The following CDKAL1 variants were observed in gnomAD, a reference collection of about 807,000 sequenced individuals.
CDKAL1 encodes the protein CDKAL1 threonylcarbamoyladenosine tRNA methylthiotransferase, also known as threonylcarbamoyladenosine tRNA methylthiotransferase.
A neutral mutation model predicts 68.2 loss-of-function variants in CDKAL1; 32 were observed. The observed-to-expected ratio is 0.47, with a 90% confidence interval of 0.35 to 0.63. The LOEUF (loss-of-function observed/expected upper bound fraction) is 0.63. Ranked by LOEUF, CDKAL1 falls within the 30% of genes least tolerant of loss-of-function variation. The pLI, the probability that CDKAL1 is intolerant of heterozygous loss-of-function variation, is 0.00. For synonymous variants in CDKAL1, 234 were observed against 244.3 expected, an observed-to-expected ratio of 0.96 and a Z score of 0.39; for missense variants, 606 against 696.7, an observed-to-expected ratio of 0.87 and a Z score of 1.47.
chr6:20,873,285 C>T (rs1760320127), intron 9 of CDKAL1, among the ~76,000 whole-genome samples: 1 of 152,048 alleles, frequency 6.6e-6, no homozygotes, highest in Non-Finnish European at 1.5e-5. Flanking sequence ...ACCTAGGAAG[C>T]TTATCAAAAA....
At chr6:21,073,640 A>G (rs192166450) in intron 12 of CDKAL1, among the ~76,000 whole-genome samples, 5 of 152,042 alleles carry the variant, frequency 3.3e-5, no homozygotes, top group Admixed American at 2.6e-4. Flanking sequence ...TGCCATATGT[A>G]TGTTTTCTTT....
intron 9 of CDKAL1, among the ~76,000 whole-genome samples, chr6:20,882,306 G>T (rs567002274): frequency 2.8e-4 from 43 of 152,186 alleles, no homozygotes; most frequent in African/African-American, 9.6e-4. Flanking sequence ...CTCCCTTTTA[G>T]CTCATACGCT....
At chr6:21,028,171 G>A (rs193250764) in intron 11 of CDKAL1, among the ~76,000 whole-genome samples, 1 of 152,256 alleles carries the variant, frequency 6.6e-6, no homozygotes, top group Admixed American at 6.5e-5. Context: ...CTGGAATGTT[G>A]AAAGAAATTC....
At chr6:20,557,811 C>T (rs1002792003) in intron 4 of CDKAL1, among the ~76,000 whole-genome samples, 4 of 152,052 alleles carry the variant, frequency 2.6e-5, no homozygotes, top group Non-Finnish European at 5.9e-5. Context: ...CCTGTAATTC[C>T]AGCTACTCAG....
At chr6:20,677,650 A>G (rs1770179767) in intron 5 of CDKAL1, among the ~76,000 whole-genome samples, 1 of 152,172 alleles carries the variant, frequency 6.6e-6, no homozygotes. Context: ...TCCTGACCTC[A>G]GGTGATCTGC....
At chr6:21,096,861 C>CT (rs1199898565) in intron 12 of CDKAL1, among the ~76,000 whole-genome samples, 4 of 152,156 alleles carry the variant, frequency 2.6e-5, no homozygotes, top group Non-Finnish European at 5.9e-5. Context: ...ATGGGACAGA[C>CT]TTTGAGAGTT....
Position 20,536,402 on chromosome 6 carries a change from C to T in CDKAL1, c.-6+1008C>T, listed in dbSNP as rs552647986. Among the ~76,000 whole-genome samples the T allele has an allele frequency of 5.9e-5, 9 of 151,882 alleles. No individual in the cohort carries two copies. In the South Asian group the frequency reaches 1.0e-3, roughly 18 times the overall value. On this transcript the variant is annotated intron_variant, in intron 2 of 15. Transcript: ENST00000274695. ...TAAATTTAGGTCTATGATCCATTTTCGGTTAATTTTTGTATATGATGTGAA... is the reference window on the plus strand; with the variant it reads ...TAAATTTAGGTCTATGATCCATTTTTGGTTAATTTTTGTATATGATGTGAA...
chr6:20,551,842 C>T (rs550396840), intron 4 of CDKAL1, among the ~76,000 whole-genome samples: 1 of 151,870 alleles, frequency 6.6e-6, no homozygotes, highest in South Asian at 2.1e-4. Context: ...CTTGCCTTAC[C>T]ATATTCTGAT....
chr6:21,004,228 A>C (rs1056129963), intron 11 of CDKAL1, among the ~76,000 whole-genome samples: 2 of 152,178 alleles, frequency 1.3e-5, no homozygotes, highest in Admixed American at 1.3e-4. Context: ...AAATCTTTTT[A>C]ATTAATTTTC....
intron 5 of CDKAL1, among the ~76,000 whole-genome samples, chr6:20,666,582 A>G (rs1026478381): frequency 6.6e-6 from 1 of 152,044 alleles, no homozygotes; most frequent in African/African-American, 2.4e-5. Context: ...CTTTATGGGC[A>G]CATATTAATA....
intron 5 of CDKAL1, among the ~76,000 whole-genome samples, chr6:20,695,824 T>G (rs1771082456): frequency 6.6e-6 from 1 of 152,194 alleles, no homozygotes; most frequent in African/African-American, 2.4e-5. Flanking sequence ...AGCGTATAGT[T>G]CAGTGTCAAT....
intron 9 of CDKAL1, among the ~76,000 whole-genome samples, chr6:20,851,840 G>A (rs571526600): frequency 2.3e-4 from 35 of 151,718 alleles, no homozygotes; most frequent in African/African-American, 7.5e-4. Flanking sequence ...AACAATATGA[G>A]CAATATTTGA....
chr6:20,775,094 A>G (rs1005834390), intron 7 of CDKAL1, among the ~76,000 whole-genome samples: 1 of 152,204 alleles, frequency 6.6e-6, no homozygotes, highest in Non-Finnish European at 1.5e-5. Flanking sequence ...CTCATTCTAC[A>G]TATATGCCAG....
intron 15 of CDKAL1, among the ~76,000 whole-genome samples, chr6:21,223,291 A>G (rs1779603742): frequency 6.6e-6 from 1 of 152,198 alleles, no homozygotes; most frequent in South Asian, 2.1e-4. Context: ...CAGGCCACTC[A>G]TCTGCTTCAC....
chr6:20,920,862 G>A (rs114952415), intron 9 of CDKAL1, among the ~76,000 whole-genome samples: 1,610 of 152,180 alleles, frequency 0.011, 28 homozygotes, highest in African/African-American at 0.036. Flanking sequence ...CAGTCATTTT[G>A]GAATATGGCA....
intron 4 of CDKAL1, among the ~76,000 whole-genome samples, chr6:20,638,725 C>T (rs1768021198): frequency 6.6e-6 from 1 of 151,776 alleles, no homozygotes; most frequent in Admixed American, 6.6e-5. Flanking sequence ...GATTCTCCTC[C>T]CAAGTATCTG....
intron 8 of CDKAL1, among the ~76,000 whole-genome samples, chr6:20,805,398 G>A (rs1776531050): frequency 2.0e-5 from 3 of 152,184 alleles, no homozygotes; most frequent in Non-Finnish European, 2.9e-5. Context: ...TAACTCCACA[G>A]TGTTTTCAGT....
At chr6:20,607,371 A>G (rs1581808082) in intron 4 of CDKAL1, among the ~76,000 whole-genome samples, 2 of 152,364 alleles carry the variant, frequency 1.3e-5, no homozygotes, top group East Asian at 1.9e-4. Context: ...TTAATTACAC[A>G]TTCTTTTAAA....
At chr6:20,918,609 G>A (rs559175744) in intron 9 of CDKAL1, among the ~76,000 whole-genome samples, 2 of 152,282 alleles carry the variant, frequency 1.3e-5, no homozygotes, top group South Asian at 4.2e-4. Context: ...TAGATGTAAG[G>A]ACTGTACAAT....
Sources: gnomAD v4.1 joint callset for allele counts (sites outside exome capture counted in the v4.1 genomes callset) on GRCh38, gnomAD v4.1.1 for gene constraint, MANE v1.5 for transcripts, NCBI Gene and HGNC (gene_info 2026-07-23, HGNC 2026-07-21) for gene names.